RBFOX1: variants seen among roughly 807,000 people sequenced by gnomAD.
RBFOX1 encodes RNA binding fox-1 homolog 1, also known as RNA binding protein fox-1 homolog 1.
A neutral mutation model predicts 57.7 loss-of-function variants in RBFOX1; 8 were observed. The observed-to-expected ratio is 0.14, with a 90% CI of 0.08 to 0.25. The LOEUF (loss-of-function observed/expected upper bound fraction) is 0.25, where lower values mean the gene tolerates loss of function less well. Among genes scored for constraint, RBFOX1 ranks in the 10% least tolerant of loss-of-function variants. The pLI, the probability that RBFOX1 is intolerant of heterozygous loss-of-function variation, is 1.00. For synonymous variants in RBFOX1, 326 were observed against 222.4 expected (o/e 1.47, Z -4.15); for missense variants, 611 against 548.5 (o/e 1.11, Z -1.14).
chr16:7,040,438 T>G (rs2045797191), intron 3 of RBFOX1, among the ~76,000 whole-genome samples: 1 of 152,206 alleles, frequency 6.6e-6, no homozygotes, highest in Non-Finnish European at 1.5e-5. Context: ...CTCAGGCATT[T>G]AAATTATATT....
At chr16:7,145,086 G>GA (rs2074665027) in intron 4 of RBFOX1, among the ~76,000 whole-genome samples, 2 of 152,212 alleles carry the variant, frequency 1.3e-5, no homozygotes, top group Non-Finnish European at 2.9e-5. Context: ...ATCCTAGCTT[G>GA]ACAGTGATCC....
chr16:7,174,845 A>AATATC (rs1186834400), intron 4 of RBFOX1, among the ~76,000 whole-genome samples: 1 of 152,152 alleles, frequency 6.6e-6, no homozygotes. Context: ...TGCGTTATTC[A>AATATC]ATATCCCCAC....
At chr16:5,729,203 G>C (rs561766732) in intron 3 of RBFOX1, among the ~76,000 whole-genome samples, 1 of 152,266 alleles carries the variant, frequency 6.6e-6, no homozygotes, top group East Asian at 1.9e-4. Context: ...GACTTTCTAA[G>C]CTTCAGTTTG....
rs71391624 is a variant in RBFOX1 at position 7,330,472 on chromosome 16, CTGTGTGTG to C, written c.28-187645_28-187638del. On this transcript the variant is annotated intron_variant, in intron 4 of 15. Transcript: ENST00000550418. ...GTGGAACCCCAGAATATGGAGAGCT[CTGTGTGTG>C]TGTGTGTGTGTGTGTGTGTGTGTGT... Among the ~76,000 whole-genome samples, 244 of 94,416 alleles carry C rather than the reference CTGTGTGTG, an allele frequency of 2.6e-3. 1 individual carries two copies. The highest frequency in any genetic ancestry group is 0.011 in the African/African-American group (207 of 19,414). The allele number at this position is 94,416 out of a possible 152,430, so 61.9% of individuals were successfully genotyped here. A position where few individuals can be genotyped will look rare whatever the true frequency, so the allele number is the denominator to read the frequency against.
intron 2 of RBFOX1, among the ~76,000 whole-genome samples, chr16:6,503,115 G>T (rs948497164): frequency 5.3e-5 from 8 of 152,160 alleles, no homozygotes; most frequent in African/African-American, 1.7e-4. Context: ...TATGAAGAGT[G>T]ATTATTCAAA....
intron 3 of RBFOX1, among the ~76,000 whole-genome samples, chr16:6,655,655 C>A (rs1373123033): frequency 6.6e-6 from 1 of 152,120 alleles, no homozygotes; most frequent in East Asian, 1.9e-4. Flanking sequence ...CAAAGCACAT[C>A]CAAGAAGATC....
intron 14 of RBFOX1, among the ~76,000 whole-genome samples, chr16:7,687,486 CTGAA>C (rs1028389778): frequency 1.1e-4 from 16 of 151,982 alleles, no homozygotes; most frequent in Non-Finnish European, 2.4e-4. Flanking sequence ...AATCTGAGGG[CTGAA>C]TGATGTGAGT....
At chr16:6,849,339 A>G (rs763342661) in intron 3 of RBFOX1, among the ~76,000 whole-genome samples, 4 of 152,216 alleles carry the variant, frequency 2.6e-5, no homozygotes, top group African/African-American at 4.8e-5. Context: ...GATTATGACA[A>G]AAGTAGAAAA....
chr16:6,105,523 C>T (rs1322737620), intron 1 of RBFOX1, among the ~76,000 whole-genome samples: 1 of 152,130 alleles, frequency 6.6e-6, no homozygotes, highest in Non-Finnish European at 1.5e-5. Flanking sequence ...AAAGCAAAGA[C>T]AATCCCAAAA....
At chr16:5,985,111 G>A (rs1357674143) in intron 4 of RBFOX1, among the ~76,000 whole-genome samples, 1 of 149,850 alleles carries the variant, frequency 6.7e-6, no homozygotes, top group Non-Finnish European at 1.5e-5. Flanking sequence ...TCAGCCTCCT[G>A]AGTAGCCAGG....
chr16:6,013,027 G>C (rs910214668), intron 4 of RBFOX1, among the ~76,000 whole-genome samples: 1 of 152,100 alleles, frequency 6.6e-6, no homozygotes, highest in Non-Finnish European at 1.5e-5. Context: ...TGTATTAATA[G>C]TAACTATTAA....
At chr16:7,203,818 A>G (rs1176085154) in intron 4 of RBFOX1, among the ~76,000 whole-genome samples, 1 of 152,220 alleles carries the variant, frequency 6.6e-6, no homozygotes, top group Non-Finnish European at 1.5e-5. Context: ...CCAGCAAGTG[A>G]TTGTCTTACC....
At chr16:7,421,908 G>A (rs767752562) in intron 4 of RBFOX1, among the ~76,000 whole-genome samples, 2 of 152,146 alleles carry the variant, frequency 1.3e-5, no homozygotes, top group Admixed American at 6.5e-5. Flanking sequence ...AGTCATTTTC[G>A]GGTAGGAAGT....
At chr16:6,686,452 G>A (rs758650514) in intron 3 of RBFOX1, among the ~76,000 whole-genome samples, 3 of 152,158 alleles carry the variant, frequency 2.0e-5, no homozygotes, top group Non-Finnish European at 4.4e-5. Flanking sequence ...TCACAACGCA[G>A]CTTGTTTTTG....
In RBFOX1 at chr16:5,363,087, G is replaced by T. The variant is rs916005260; in HGVS notation, c.220-104129G>T. ...ATCTCTGTGTCACCTAGGCTGGAGC[G>T]CAGTGGTGTGATCTCGGCTCACTGC... On this transcript the variant is annotated intron_variant, in intron 1 of 2. Coordinates refer to the RBFOX1 transcript ENST00000585867. Among the ~76,000 whole-genome samples the T allele has an allele frequency of 9.1e-5, 13 of 143,442 alleles. No homozygotes were observed. In the Admixed American group the frequency reaches 9.3e-4, roughly 10 times the overall value. The allele number at this position is 143,442 out of a possible 152,430, so 94.1% of individuals were successfully genotyped here.
chr16:6,812,539 A>C (rs183404314), intron 3 of RBFOX1, among the ~76,000 whole-genome samples: 53 of 152,018 alleles, frequency 3.5e-4, no homozygotes, highest in Admixed American at 3.1e-3. Flanking sequence ...ACGCCCAGCT[A>C]ATTTTTTTTG....
chr16:6,714,596 G>A (rs1213559421), intron 3 of RBFOX1, among the ~76,000 whole-genome samples: 1 of 152,150 alleles, frequency 6.6e-6, no homozygotes, highest in Non-Finnish European at 1.5e-5. Flanking sequence ...GGTAGGAAAT[G>A]TGATTTCAGC....
At chr16:7,537,152 A>G (rs973031394) in intron 5 of RBFOX1, among the ~76,000 whole-genome samples, 2 of 152,088 alleles carry the variant, frequency 1.3e-5, no homozygotes, top group Admixed American at 6.5e-5. Flanking sequence ...GAGAAAAGCA[A>G]TAATGGTGTT....
intron 4 of RBFOX1, among the ~76,000 whole-genome samples, chr16:7,194,921 C>G (rs1283063943): frequency 5.7e-5 from 4 of 70,536 alleles, no homozygotes; most frequent in African/African-American, 1.3e-4. Context: ...AAATGAGACC[C>G]TGTTTCACAA....
Sources: gnomAD v4.1 joint callset for allele counts (sites outside exome capture counted in the v4.1 genomes callset) on GRCh38, gnomAD v4.1.1 for gene constraint, MANE v1.5 for transcripts, NCBI Gene and HGNC (gene_info 2026-07-23, HGNC 2026-07-21) for gene names.